The following TESMIN variants were observed in gnomAD, a reference collection of about 807,000 sequenced individuals.
TESMIN encodes testis expressed metallothionein like protein, also known as CXC domain containing 2.
TESMIN carries 34 observed loss-of-function variants against 47.4 expected under a neutral mutation model. The ratio of observed to expected loss-of-function variants is 0.72; its 90% CI spans 0.55 to 0.96. The LOEUF (loss-of-function observed/expected upper bound fraction) is 0.96. Ranked by LOEUF, TESMIN falls within the 40% of genes least tolerant of loss-of-function variation. TESMIN has a pLI of 0.00. For missense variants in TESMIN, 610 were observed against 637.2 expected, an observed-to-expected ratio of 0.96 and a Z score of 0.46; for synonymous variants, 278 against 258.9, an observed-to-expected ratio of 1.07 and a Z score of -0.71.
chr11:68,709,357 C>T (rs748674490), intron 9 of TESMIN, among the ~76,000 whole-genome samples: 10 of 152,304 alleles, frequency 6.6e-5, no homozygotes, highest in African/African-American at 1.7e-4. Context: ...CTGTCCTCCC[C>T]GCAGGCCCAC....
In TESMIN at chr11:68,750,669, G is replaced by A. The variant is rs1443875114; in HGVS notation, c.-9C>T. 4.7e-6 allele frequency: 7 copies of A among 1,501,132 alleles called. No homozygotes were observed. Among genetic ancestry groups the A allele is most frequent in the Non-Finnish European group, 3.6e-6 (4 of 1,124,760 alleles). 93.0% of individuals were successfully genotyped at this position (1,501,132 alleles called of 1,614,324 possible). A position where few individuals can be genotyped will look rare whatever the true frequency, so the allele number is the denominator to read the frequency against. On this transcript the variant is annotated 5_prime_UTR_variant, in exon 2 of 10. Coordinates refer to ENST00000255087, the MANE Select transcript of TESMIN (RefSeq NM_004923.3). ...AGAGGGCCCTCCTCCATGGCGCAGG[G>A]CGGCGGGGCGGGATGGCGGGGGCCG...
chr11:68,750,667 G>T lies in TESMIN; in HGVS notation c.-7C>A. ...GCAGAGGGCCCTCCTCCATGGCGCA[G>T]GGCGGCGGGGCGGGATGGCGGGGGC... is the stretch of plus-strand genomic sequence containing the variant. On this transcript the variant is annotated 5_prime_UTR_variant, in exon 2 of 10. In the 5' UTR this introduces an upstream ATG that the reference lacks. Transcript: ENST00000255087. 6.7e-7 allele frequency: 1 copy of T among 1,499,474 alleles called. No individual in the cohort carries two copies. The allele number at this position is 1,499,474 out of a possible 1,614,324, so 92.9% of individuals were successfully genotyped here.
chr11:68,738,644 C>G (rs1485066161), intron 6 of TESMIN, 56 bp downstream of exon 6: 35 of 1,606,818 alleles, frequency 2.2e-5, no homozygotes, highest in Non-Finnish European at 2.7e-5. Flanking sequence ...TGAACGTATC[C>G]AAGAGTCTCT....
chr11:68,709,367 C>T (rs1004641196), intron 9 of TESMIN, among the ~76,000 whole-genome samples: 2 of 152,208 alleles, frequency 1.3e-5, no homozygotes, highest in African/African-American at 2.4e-5. Context: ...CGCAGGCCCA[C>T]GTGCAGCCAG....
intron 1 of TESMIN, 80 bp from the exon 2 acceptor site, chr11:68,750,779 A>T (rs1447384664): frequency 2.6e-3 from 34 of 13,206 alleles, no homozygotes; most frequent in East Asian, 7.0e-3. Flanking sequence ...CAGCCAAGGG[A>T]GGGGCAGCCA....
intron 2 of TESMIN, among the ~76,000 whole-genome samples, chr11:68,749,114 C>T (rs1251450034): frequency 6.6e-6 from 1 of 152,232 alleles, no homozygotes; most frequent in Non-Finnish European, 1.5e-5. Flanking sequence ...TCCGGCTGGG[C>T]AGCAAAATGC....
chr11:68,736,776 A>C, intron 6 of TESMIN: 1 of 969,690 alleles, frequency 1.0e-6, no homozygotes, highest in Non-Finnish European at 1.2e-6. Flanking sequence ...GAAGAAGAGC[A>C]GGGGGAGGAG....
chr11:68,722,928 T>A (rs557781908), intron 6 of TESMIN, among the ~76,000 whole-genome samples: 57 of 152,152 alleles, frequency 3.7e-4, no homozygotes, highest in African/African-American at 1.4e-3. Flanking sequence ...CAAAATAGAA[T>A]TATAAGGAAA....
chr11:68,718,796 T>C (rs185574485), intron 6 of TESMIN, among the ~76,000 whole-genome samples: 1 of 152,250 alleles, frequency 6.6e-6, no homozygotes, highest in East Asian at 1.9e-4. Flanking sequence ...ACTAGCAACA[T>C]TGGAAGCTAG....
At chr11:68,705,377 A>G (rs560681196), downstream of TESMIN, among the ~76,000 whole-genome samples, 5 of 152,332 alleles carry the variant, frequency 3.3e-5, no homozygotes, top group East Asian at 5.8e-4. Context: ...AAAGGGGACC[A>G]GTGCTGGCAG....
At chr11:68,706,022 C>CAAA (rs11306603), downstream of TESMIN, among the ~76,000 whole-genome samples, 136 of 84,392 alleles carry the variant, frequency 1.6e-3, 1 homozygote, top group African/African-American at 4.5e-3. Context: ...GACTCCGTCT[C>CAAA]AAAAAAAAAA....
At chr11:68,730,729 A>G (rs1224529804) in intron 6 of TESMIN, among the ~76,000 whole-genome samples, 1 of 150,022 alleles carries the variant, frequency 6.7e-6, no homozygotes, top group Non-Finnish European at 1.5e-5. Flanking sequence ...TGGGAGGTGG[A>G]GGTTGCAGTG....
intron 6 of TESMIN, among the ~76,000 whole-genome samples, chr11:68,733,139 A>C (rs530820145): frequency 6.6e-6 from 1 of 152,306 alleles, no homozygotes; most frequent in South Asian, 2.1e-4. Flanking sequence ...CAAGCATGGC[A>C]ATGAGGTCTG....
chr11:68,725,143 A>G (rs1946245891), intron 6 of TESMIN, among the ~76,000 whole-genome samples: 1 of 152,112 alleles, frequency 6.6e-6, no homozygotes, highest in African/African-American at 2.4e-5. Context: ...GGGATTGAGA[A>G]CCCCAAATCA....
intron 7 of TESMIN, among the ~76,000 whole-genome samples, chr11:68,715,452 C>A (rs1438936917): frequency 6.6e-6 from 1 of 152,176 alleles, no homozygotes; most frequent in Non-Finnish European, 1.5e-5. Context: ...TTTCCCCTAG[C>A]CTTCTCACGC....
At chr11:68,705,244 C>T (rs1471587887), downstream of TESMIN, among the ~76,000 whole-genome samples, 1 of 152,236 alleles carries the variant, frequency 6.6e-6, no homozygotes, top group Non-Finnish European at 1.5e-5. Context: ...CTCTCTGGAT[C>T]CTCTGGCTGC....
At chr11:68,715,610 G>A (rs1946127290) in intron 7 of TESMIN, among the ~76,000 whole-genome samples, 1 of 152,124 alleles carries the variant, frequency 6.6e-6, no homozygotes. Context: ...CATCTCTGAA[G>A]CCTTCCCACA....
rs115921408 is a variant in TESMIN at position 68,740,580 on chromosome 11, A to G, written c.828+1738T>C. Among the ~76,000 whole-genome samples the G allele has an allele frequency of 5.8e-3, 884 of 152,318 alleles. 10 individuals are homozygous for G. Among genetic ancestry groups the G allele is most frequent in the African/African-American group, 0.02 (832 of 41,546 alleles). ...AGCAGCGTGGAGGGGGCCAGACGGT[A>G]GGAGGATTCTATGAGGTTCCAACAC... On this transcript the variant is annotated intron_variant, in intron 5 of 9. Coordinates refer to ENST00000255087, the MANE Select transcript of TESMIN (RefSeq NM_004923.3).
chr11:68,720,488 T>TAACAAAA (rs1946192199), intron 6 of TESMIN, among the ~76,000 whole-genome samples: 1 of 152,204 alleles, frequency 6.6e-6, no homozygotes, highest in Non-Finnish European at 1.5e-5. Context: ...CCCAGGGCTC[T>TAACAAAA]CTTCACTGTT....
Sources: allele counts gnomAD v4.1 joint callset (sites outside exome capture counted in the v4.1 genomes callset), GRCh38; gene constraint gnomAD v4.1.1; transcripts MANE v1.5; gene names NCBI Gene and HGNC (gene_info 2026-07-23, HGNC 2026-07-21).